TRDN: variants seen among roughly 807,000 people sequenced by gnomAD.
TRDN encodes the protein triadin, also known as triadin in skeletal muscle.
Under a neutral mutation model 149.7 loss-of-function variants are expected in TRDN, and 161 were observed. The ratio of observed to expected loss-of-function variants is 1.08; its 90% CI spans 0.95 to 1.23. The LOEUF is 1.23. Ranked by LOEUF, TRDN falls within the 50% of genes most tolerant of loss-of-function variation. The probability of loss-of-function intolerance (pLI) is 0.00; values close to 1 mark genes in which losing one functional copy is unlikely to be tolerated. For missense variants in TRDN, 896 were observed against 823.5 expected (o/e 1.09, Z -1.08); for synonymous variants, 294 against 250.5 (o/e 1.17, Z -1.64).
chr6:123,503,335 T>C (rs1488222524), intron 8 of TRDN: 4 of 985,312 alleles, frequency 4.1e-6, no homozygotes, highest in Non-Finnish European at 2.4e-6. Context: ...ACAAACTCCT[T>C]AGGAATTGCT....
At chr6:123,370,561 T>G (rs1781286388) in intron 19 of TRDN, among the ~76,000 whole-genome samples, 1 of 152,128 alleles carries the variant, frequency 6.6e-6, no homozygotes, top group East Asian at 1.9e-4. Context: ...CCTGCACATG[T>G]GTCTCCTTTT....
At chr6:123,451,356 A>G (rs1775756469) in intron 10 of TRDN, among the ~76,000 whole-genome samples, 1 of 152,152 alleles carries the variant, frequency 6.6e-6, no homozygotes, top group Non-Finnish European at 1.5e-5. Flanking sequence ...ACCATTAGCA[A>G]GATTAACCAA....
intron 1 of TRDN, among the ~76,000 whole-genome samples, chr6:123,625,066 C>CT (rs3064015): frequency 0.097 from 14,034 of 144,358 alleles, 1,304 homozygotes; most frequent in African/African-American, 0.25. Flanking sequence ...CTTCCTGTCT[C>CT]TTTTTTTTTT....
At chr6:123,575,591 G>A (rs1332520277) in intron 1 of TRDN, among the ~76,000 whole-genome samples, 2 of 152,062 alleles carry the variant, frequency 1.3e-5, no homozygotes, top group African/African-American at 2.4e-5. Flanking sequence ...TTCCAGGCCT[G>A]CTTTTTAATT....
chr6:123,497,379 TA>T (rs565278181), intron 8 of TRDN, 127 bp from the exon 9 acceptor site: 54 of 549,220 alleles, frequency 9.8e-5, no homozygotes, highest in South Asian at 3.1e-4. Context: ...ATATTTTCTG[TA>T]AAAAAAATAA....
intron 24 of TRDN, among the ~76,000 whole-genome samples, chr6:123,306,770 A>G (rs1206235038): frequency 6.6e-6 from 1 of 152,088 alleles, no homozygotes; most frequent in Non-Finnish European, 1.5e-5. Context: ...CCCAGTCTGC[A>G]GGTATGTCAT....
chr6:123,408,600 C>A (rs1228336274), intron 12 of TRDN, among the ~76,000 whole-genome samples: 1 of 151,796 alleles, frequency 6.6e-6, no homozygotes, highest in African/African-American at 2.4e-5. Flanking sequence ...ATTGCTTGAA[C>A]CCAGGACGCA....
At chr6:123,311,745 G>A (rs192197671) in intron 24 of TRDN, among the ~76,000 whole-genome samples, 377 of 152,082 alleles carry the variant, frequency 2.5e-3, no homozygotes, top group African/African-American at 8.6e-3. Context: ...TATTGAAGAT[G>A]TCATCTTTGT....
intron 21 of TRDN, chr6:123,351,798 T>A: frequency 1.1e-6 from 1 of 913,038 alleles, no homozygotes; most frequent in Non-Finnish European, 1.3e-6. Flanking sequence ...TTTATTACAA[T>A]AAATATAGTA....
intron 24 of TRDN, among the ~76,000 whole-genome samples, chr6:123,292,057 G>A (rs1338260955): frequency 6.6e-6 from 1 of 151,714 alleles, no homozygotes. Flanking sequence ...TTGCTTAGAA[G>A]GAATTTTGGG....
At chr6:123,614,276 A>ATTAATAATT (rs1784956384) in intron 1 of TRDN, among the ~76,000 whole-genome samples, 1 of 146,030 alleles carries the variant, frequency 6.8e-6, no homozygotes, top group South Asian at 2.2e-4. Flanking sequence ...TTACCGTGGG[A>ATTAATAATT]AAGTGCTTCA....
At chr6:123,616,751 C>T (rs188315073) in intron 1 of TRDN, among the ~76,000 whole-genome samples, 367 of 152,272 alleles carry the variant, frequency 2.4e-3, no homozygotes, top group Non-Finnish European at 4.0e-3. Context: ...TAACTTTATG[C>T]TTATTCCAAA....
intron 1 of TRDN, among the ~76,000 whole-genome samples, chr6:123,602,271 C>T (rs567132485): frequency 7.9e-5 from 12 of 152,188 alleles, no homozygotes; most frequent in African/African-American, 2.9e-4. Context: ...ACGTAATGGC[C>T]ATTCCAGCAA....
intron 1 of TRDN, among the ~76,000 whole-genome samples, chr6:123,587,205 G>C (rs1300584858): frequency 1.3e-5 from 2 of 152,170 alleles, no homozygotes; most frequent in Non-Finnish European, 2.9e-5. Flanking sequence ...TGCGTGGTCT[G>C]ACACCTCTGA....
intron 1 of TRDN, among the ~76,000 whole-genome samples, chr6:123,617,539 C>G (rs180671351): frequency 2.0e-5 from 3 of 152,186 alleles, no homozygotes; most frequent in Admixed American, 2.0e-4. Flanking sequence ...ATGTTACTTG[C>G]TAGATAACTT....
chr6:123,576,940 C>T (rs193219718), intron 1 of TRDN, among the ~76,000 whole-genome samples: 4 of 151,900 alleles, frequency 2.6e-5, no homozygotes, highest in Non-Finnish European at 5.9e-5. Flanking sequence ...TATAACTCAC[C>T]TGCACATGTA....
At chr6:123,388,361 G>T (rs537262260) in intron 14 of TRDN, among the ~76,000 whole-genome samples, 161 bp downstream of exon 14, 1 of 152,208 alleles carries the variant, frequency 6.6e-6, no homozygotes, top group East Asian at 1.9e-4. Flanking sequence ...TCACCCTTCT[G>T]TGTGAGGTGA....
At chr6:123,559,021 C>T (rs982258344) in intron 2 of TRDN, among the ~76,000 whole-genome samples, 4 of 152,206 alleles carry the variant, frequency 2.6e-5, no homozygotes, top group Non-Finnish European at 5.9e-5. Flanking sequence ...ACTCACCCGG[C>T]AGCCACTCCC....
intron 6 of TRDN, among the ~76,000 whole-genome samples, chr6:123,512,897 A>G (rs1779248709): frequency 6.6e-6 from 1 of 152,178 alleles, no homozygotes; most frequent in Non-Finnish European, 1.5e-5. Flanking sequence ...AATTAGTTCC[A>G]CATATTTCCA....
Sources: gnomAD v4.1 joint callset for allele counts (sites outside exome capture counted in the v4.1 genomes callset) on GRCh38, gnomAD v4.1.1 for gene constraint, MANE v1.5 for transcripts, NCBI Gene and HGNC (gene_info 2026-07-23, HGNC 2026-07-21) for gene names.